Variants in AP3B1 observed in about 807,000 individuals in gnomAD.
AP3B1 encodes adaptor related protein complex 3 subunit beta 1, also known as AP-3 complex subunit beta-1.
In AP3B1, 61 loss-of-function variants were observed where a neutral mutation model predicts 132.5. That is an observed-to-expected ratio of 0.46 (90% CI 0.37 to 0.57). AP3B1 has a LOEUF of 0.57. Among genes scored for constraint, AP3B1 ranks in the 20% least tolerant of loss-of-function variants. The probability of loss-of-function intolerance (pLI) is 0.00; values close to 1 mark genes in which losing one functional copy is unlikely to be tolerated. For synonymous variants in AP3B1, 388 were observed against 438.3 expected, an observed-to-expected ratio of 0.89 and a Z score of 1.43; for missense variants, 1,120 against 1,289.4, an observed-to-expected ratio of 0.87 and a Z score of 2.01.
chr5:78,161,073 A>C lies in AP3B1; in HGVS notation c.1363+1746T>G, dbSNP rs1489083417. Among the ~76,000 whole-genome samples the C allele has an allele frequency of 2.0e-5, 3 of 152,150 alleles. No individual in the cohort carries two copies. In the East Asian group the frequency reaches 5.8e-4, roughly 29 times the overall value. On this transcript the variant is annotated intron_variant, in intron 13 of 26. Transcript: ENST00000255194. The stretch of plus-strand genomic sequence containing the variant: ...CCATTAAAATATCAAAATTTAAAGT[A>C]GTTAAACTAAATCCTTCTACTTTTA...
chr5:78,022,355 GA>G (rs1747141147), intron 24 of AP3B1, among the ~76,000 whole-genome samples: 1 of 152,210 alleles, frequency 6.6e-6, no homozygotes, highest in Non-Finnish European at 1.5e-5. Context: ...CTGCAGGAAT[GA>G]AGGCTAAGTT....
At chr5:78,103,621 T>C (rs1751217051) in intron 20 of AP3B1, among the ~76,000 whole-genome samples, 1 of 152,166 alleles carries the variant, frequency 6.6e-6, no homozygotes, top group African/African-American at 2.4e-5. Flanking sequence ...ATTAGGCTTT[T>C]AACAGCTGAG....
At chr5:78,217,424 G>T (rs1044654607) in intron 6 of AP3B1, among the ~76,000 whole-genome samples, 2 of 152,056 alleles carry the variant, frequency 1.3e-5, no homozygotes, top group Admixed American at 6.6e-5. Context: ...CCATGTACTG[G>T]TGCCTGCTGG....
chr5:78,277,692 T>C (rs1748842420), intron 1 of AP3B1, among the ~76,000 whole-genome samples: 1 of 152,126 alleles, frequency 6.6e-6, no homozygotes, highest in African/African-American at 2.4e-5. Flanking sequence ...GCAGGTTACA[T>C]TCCTTACCGG....
intron 2 of AP3B1, among the ~76,000 whole-genome samples, chr5:78,250,850 A>G (rs1430787987): frequency 6.6e-6 from 1 of 152,186 alleles, no homozygotes; most frequent in Non-Finnish European, 1.5e-5. Context: ...TTTAAAATAT[A>G]ATGAGAGAAG....
intron 24 of AP3B1, 118 bp from the exon 25 acceptor site, chr5:78,020,907 G>T: frequency 1.3e-6 from 1 of 792,688 alleles, no homozygotes; most frequent in Non-Finnish European, 2.1e-6. Context: ...GACCTTTTTG[G>T]TTTAAACATC....
At chr5:78,248,752 T>C (rs180797365) in intron 2 of AP3B1, among the ~76,000 whole-genome samples, 23 of 152,304 alleles carry the variant, frequency 1.5e-4, no homozygotes, top group Admixed American at 1.5e-3. Flanking sequence ...AGTAAACATG[T>C]TAGAAATGGA....
chr5:78,216,661 C>G (rs9293733), intron 6 of AP3B1, among the ~76,000 whole-genome samples: 45,169 of 151,826 alleles, frequency 0.3, 6,917 homozygotes, highest in Middle Eastern at 0.35. Flanking sequence ...AAAATGAGAA[C>G]GACAATCATT....
intron 11 of AP3B1, among the ~76,000 whole-genome samples, chr5:78,169,033 C>T (rs1187966268): frequency 6.6e-6 from 1 of 151,724 alleles, no homozygotes; most frequent in Non-Finnish European, 1.5e-5. Flanking sequence ...GTCCATAGTC[C>T]ATCCTTTCCT....
At chr5:78,058,906 T>G (rs1748929052) in intron 22 of AP3B1, among the ~76,000 whole-genome samples, 1 of 152,180 alleles carries the variant, frequency 6.6e-6, no homozygotes, top group African/African-American at 2.4e-5. Context: ...TTGATAGGGT[T>G]GGGGTGAGAC....
At chr5:78,107,255 C>A (rs1751378505) in intron 20 of AP3B1, among the ~76,000 whole-genome samples, 1 of 152,072 alleles carries the variant, frequency 6.6e-6, no homozygotes, top group Admixed American at 6.5e-5. Flanking sequence ...AAAAAAAGAT[C>A]AAGATTAAGA....
At position 78,039,132 on chromosome 5, in the gene AP3B1, T is replaced by C. The variant is rs561977108; in HGVS notation, c.2720A>G (p.Asn907Ser). 1.9e-6 allele frequency: 3 copies of C among 1,613,768 alleles called. No individual in the cohort carries two copies. The highest frequency in any genetic ancestry group is 1.7e-6 in the Non-Finnish European group (2 of 1,179,682). The change falls in exon 23 of 27, where the codon AAT becomes AGT. Residue 907 changes from asparagine (N) to serine (S), a missense_variant. This residue lies in a region of AP3B1 where 906 missense variants were observed against 997.1 expected (regional missense o/e 0.91). Coordinates refer to ENST00000255194, the MANE Select transcript of AP3B1 (RefSeq NM_003664.5). ...DKMVSIQITL[N>S]NTTDRKIENI... is the part of the protein sequence containing the mutation. Reference sequence around the variant, plus strand: ...TTCTATCTTTCGATCAGTAGTGTTATTCAGTGTTATTTGTATAGAGACCAT... The same window carrying C: ...TTCTATCTTTCGATCAGTAGTGTTACTCAGTGTTATTTGTATAGAGACCAT...
intron 1 of AP3B1, among the ~76,000 whole-genome samples, chr5:78,278,363 G>T (rs1748875024): frequency 7.1e-6 from 1 of 139,966 alleles, no homozygotes; most frequent in African/African-American, 2.5e-5. Context: ...TCTTTGGGAG[G>T]CCGAGGCGGG....
In AP3B1 at chr5:78,121,049, C is replaced by A. The variant is rs1452594296; in HGVS notation, c.1969-4815G>T. Among the ~76,000 whole-genome samples, 5 of 152,328 alleles carry A rather than the reference C, an allele frequency of 3.3e-5. No individual in the cohort carries two copies. The East Asian group carries it at 7.7e-4, about 23-fold the overall frequency. Reference sequence around the variant, plus strand: ...TCAGGATTAAGAAACTCACTCAAAACCGCTCAACTGCATGGAAACTGAACA... The same window carrying A: ...TCAGGATTAAGAAACTCACTCAAAAACGCTCAACTGCATGGAAACTGAACA... On this transcript the variant is annotated intron_variant, in intron 17 of 26. Coordinates refer to ENST00000255194, the MANE Select transcript of AP3B1 (RefSeq NM_003664.5).
chr5:78,191,152 T>C (rs1283583874), intron 7 of AP3B1, among the ~76,000 whole-genome samples: 3 of 151,996 alleles, frequency 2.0e-5, no homozygotes, highest in African/African-American at 7.3e-5. Context: ...ATTATATAGT[T>C]CTATTTCTAA....
intron 9 of AP3B1, among the ~76,000 whole-genome samples, chr5:78,176,717 G>A (rs571311619): frequency 1.2e-4 from 18 of 152,154 alleles, no homozygotes; most frequent in South Asian, 2.1e-4. Flanking sequence ...GTTTTGAATC[G>A]TTAACCTAAA....
intron 13 of AP3B1, among the ~76,000 whole-genome samples, chr5:78,158,682 T>C (rs972800477): frequency 6.6e-6 from 1 of 151,990 alleles, no homozygotes; most frequent in Non-Finnish European, 1.5e-5. Context: ...CGTTCTATGT[T>C]ACGATAGGCA....
In AP3B1 at chr5:78,244,571, T is replaced by C. The variant is rs143146643; in HGVS notation, c.205-3635A>G. Among the ~76,000 whole-genome samples the C allele has an allele frequency of 1.1e-3, 167 of 152,174 alleles. 1 individual carries two copies. Among genetic ancestry groups the C allele is most frequent in the African/African-American group, 3.9e-3 (160 of 41,514 alleles). ...TATGCTGAGAAGCCAGCTGAATATA[T>C]GGGAATAAAGGCTACAGAATACAGG... is the stretch of plus-strand genomic sequence containing the variant. On this transcript the variant is annotated intron_variant, in intron 2 of 26. Transcript: ENST00000255194.
intron 25 of AP3B1, among the ~76,000 whole-genome samples, chr5:78,019,101 C>A (rs1267185348): frequency 6.6e-6 from 1 of 152,100 alleles, no homozygotes; most frequent in Non-Finnish European, 1.5e-5. Flanking sequence ...AGCCTTTCTG[C>A]TCTATTAAAC....
Sources: gnomAD v4.1 joint callset for allele counts (sites outside exome capture counted in the v4.1 genomes callset) on GRCh38, gnomAD v4.1.1 for gene constraint, gnomAD v4.1.1 regional missense constraint, MANE v1.5 for transcripts, NCBI Gene and HGNC (gene_info 2026-07-23, HGNC 2026-07-21) for gene names.